The following AMPH variants were observed in gnomAD, a reference collection of about 807,000 sequenced individuals.
The protein encoded by AMPH is amphiphysin (Stiff-Mann syndrome with breast cancer 128kD autoantigen).
Under a neutral mutation model 99.1 loss-of-function variants are expected in AMPH, and 49 were observed. The observed-to-expected ratio is 0.49, with a 90% CI of 0.39 to 0.63. The LOEUF (loss-of-function observed/expected upper bound fraction) is 0.63. AMPH is among the 20% of genes least tolerant of loss of function. The pLI, the probability that AMPH is intolerant of heterozygous loss-of-function variation, is 0.00. For missense variants in AMPH, 759 were observed against 863.4 expected (o/e 0.88, Z 1.52); for synonymous variants, 314 against 317.3 (o/e 0.99, Z 0.11).
At chr7:38,587,780 T>C (rs1584276582) in intron 1 of AMPH, among the ~76,000 whole-genome samples, 1 of 152,246 alleles carries the variant, frequency 6.6e-6, no homozygotes, top group East Asian at 1.9e-4. Context: ...TCATAATAAT[T>C]GTGCTGCCAA....
chr7:38,492,711 G>A lies in AMPH; in HGVS notation c.301-1566C>T, dbSNP rs982869409. 1.3e-4 allele frequency among the ~76,000 whole-genome samples: 20 copies of A among 152,206 alleles called. No homozygotes were observed. In the East Asian group the frequency reaches 1.4e-3, roughly 10 times the overall value. On this transcript the variant is annotated intron_variant, in intron 4 of 20. Coordinates refer to ENST00000356264, the MANE Select transcript of AMPH (RefSeq NM_001635.4). ...GTGCAACTGAGGATTCCAAAAAACCGGGCAGCTGCAAGAACCAAGGTAGGA... is the reference window on the plus strand; with the variant it reads ...GTGCAACTGAGGATTCCAAAAAACCAGGCAGCTGCAAGAACCAAGGTAGGA...
At chr7:38,439,528 C>G (rs1786421573) in intron 11 of AMPH, among the ~76,000 whole-genome samples, 4 of 152,204 alleles carry the variant, frequency 2.6e-5, no homozygotes, top group Non-Finnish European at 5.9e-5. Context: ...ACAACTCTGT[C>G]ACCACATGTT....
intron 3 of AMPH, among the ~76,000 whole-genome samples, chr7:38,496,407 G>A (rs959770345): frequency 6.6e-6 from 1 of 152,106 alleles, no homozygotes; most frequent in African/African-American, 2.4e-5. Flanking sequence ...ATTCCACGAA[G>A]CCCTTGACAA....
intron 2 of AMPH, among the ~76,000 whole-genome samples, chr7:38,523,351 C>G (rs927311778): frequency 3.9e-5 from 6 of 152,074 alleles, no homozygotes; most frequent in African/African-American, 1.4e-4. Context: ...TTTCTAAATC[C>G]CAGTCTCCAC....
At chr7:38,614,452 T>C (rs989580396) in intron 1 of AMPH, among the ~76,000 whole-genome samples, 5 of 152,046 alleles carry the variant, frequency 3.3e-5, no homozygotes, top group Admixed American at 3.3e-4. Context: ...CATATGGAAG[T>C]TGCTAAGAAG....
intron 1 of AMPH, among the ~76,000 whole-genome samples, chr7:38,619,558 C>T (rs188899097): frequency 6.6e-6 from 1 of 152,142 alleles, no homozygotes; most frequent in South Asian, 2.1e-4. Context: ...ACACTCTACC[C>T]AACAACAGCA....
chr7:38,579,421 G>A (rs59413007), intron 1 of AMPH, among the ~76,000 whole-genome samples: 40 of 152,108 alleles, frequency 2.6e-4, no homozygotes, highest in African/African-American at 8.7e-4. Flanking sequence ...CTTCAACGTA[G>A]GTATGGGTGA....
intron 1 of AMPH, among the ~76,000 whole-genome samples, chr7:38,598,399 T>C (rs1181111513): frequency 6.6e-6 from 1 of 151,958 alleles, no homozygotes; most frequent in Admixed American, 6.6e-5. Context: ...GCCTCCCAGG[T>C]TCAAGCAATT....
At chr7:38,391,381 G>A (rs917332093) in intron 19 of AMPH, among the ~76,000 whole-genome samples, 5 of 152,108 alleles carry the variant, frequency 3.3e-5, no homozygotes, top group Non-Finnish European at 5.9e-5. Flanking sequence ...ATTGCTGCCC[G>A]ACCCCCAGGG....
chr7:38,586,563 C>CATAT (rs56787018), intron 1 of AMPH, among the ~76,000 whole-genome samples: 42,156 of 151,598 alleles, frequency 0.28, 6,211 homozygotes, highest in Non-Finnish European at 0.34. Context: ...GATCTTTTCT[C>CATAT]ATATATATAT....
At chr7:38,610,320 AGAAAAGAAAAG>A (rs1793610938) in intron 1 of AMPH, among the ~76,000 whole-genome samples, 1 of 40,358 alleles carries the variant, frequency 2.5e-5, no homozygotes, top group Admixed American at 2.7e-4. Flanking sequence ...AGAAAAGAAA[AGAAAAGAAAAG>A]AAAAAAGAAA....
intron 1 of AMPH, among the ~76,000 whole-genome samples, chr7:38,606,317 A>G (rs1220848711): frequency 6.6e-6 from 1 of 152,182 alleles, no homozygotes; most frequent in Non-Finnish European, 1.5e-5. Context: ...ACCACTGTCT[A>G]GTTCCGGAAT....
rs199614522 is a variant in AMPH at position 38,610,333 on chromosome 7, AAAAAGAAAAGAAAAG to A, written c.69+20935_69+20949del. ...AAAGAAAAGAAAAGAAAAGAAAAGA[AAAAAGAAAAGAAAAG>A]AAAAGAAAAGAAAAGAAAAGAAAAG... is the stretch of plus-strand genomic sequence containing the variant. On this transcript the variant is annotated intron_variant, in intron 1 of 20. Transcript: ENST00000356264. 2.5e-3 allele frequency among the ~76,000 whole-genome samples: 76 copies of A among 29,822 alleles called. 3 individuals carry two copies. Among genetic ancestry groups the A allele is most frequent in the African/African-American group, 0.011 (65 of 5,854 alleles). 19.6% of individuals were successfully genotyped at this position (29,822 alleles called of 152,430 possible).
At position 38,581,579 on chromosome 7, in the gene AMPH, C is replaced by T. The variant is rs139731818; in HGVS notation, c.70-46568G>A. ...AAAAGTTGCTGATATGTTTGGGACA[C>T]GATAGAGCCTCACTCACCTTTTAAC... is the stretch of plus-strand genomic sequence containing the variant. On this transcript the variant is annotated intron_variant, in intron 1 of 20. Coordinates refer to ENST00000356264, the MANE Select transcript of AMPH (RefSeq NM_001635.4). Among the ~76,000 whole-genome samples, 238 of 152,186 alleles carry T rather than the reference C, an allele frequency of 1.6e-3. 1 individual carries two copies. Among genetic ancestry groups the T allele is most frequent in the African/African-American group, 5.5e-3 (227 of 41,518 alleles).
At chr7:38,477,046 GC>G (rs1379613201) in intron 5 of AMPH, 77 bp from the exon 6 acceptor site, 1 of 1,263,224 alleles carries the variant, frequency 7.9e-7, no homozygotes, top group Non-Finnish European at 1.2e-6. Flanking sequence ...GTGCCAAAAT[GC>G]TTTCCTTGGC....
intron 14 of AMPH, chr7:38,429,225 G>A: frequency 1.6e-6 from 2 of 1,288,064 alleles, no homozygotes; most frequent in Non-Finnish European, 2.0e-6. Flanking sequence ...CTCCACACAA[G>A]CAGCAATGGC....
chr7:38,385,679 T>G (rs1784331904), intron 20 of AMPH, among the ~76,000 whole-genome samples: 1 of 151,932 alleles, frequency 6.6e-6, no homozygotes, highest in Non-Finnish European at 1.5e-5. Flanking sequence ...CATATAGAAG[T>G]GCCATCACAA....
chr7:38,493,444 T>C (rs1788805075), intron 4 of AMPH, among the ~76,000 whole-genome samples: 1 of 152,174 alleles, frequency 6.6e-6, no homozygotes, highest in Non-Finnish European at 1.5e-5. Flanking sequence ...AAGTGTCTTA[T>C]TAGTAGATAC....
intron 17 of AMPH, among the ~76,000 whole-genome samples, chr7:38,409,670 C>T (rs1206376753): frequency 6.6e-6 from 1 of 152,138 alleles, no homozygotes; most frequent in Non-Finnish European, 1.5e-5. Context: ...CTGGTATTGC[C>T]TGCAGTCCTA....
Sources: gnomAD v4.1 joint callset for allele counts (sites outside exome capture counted in the v4.1 genomes callset) on GRCh38, gnomAD v4.1.1 for gene constraint, MANE v1.5 for transcripts, NCBI Gene and HGNC (gene_info 2026-07-23, HGNC 2026-07-21) for gene names.